Variants in ADRA2C observed in about 807,000 individuals in gnomAD.
ADRA2C encodes adrenoceptor alpha 2C.
ADRA2C carries 4 observed loss-of-function variants against 7.9 expected under a neutral mutation model. The ratio of observed to expected loss-of-function variants is 0.51; its 90% CI spans 0.25 to 1.16. The LOEUF (loss-of-function observed/expected upper bound fraction) is 1.16. Ranked by LOEUF, ADRA2C falls within the 50% of genes most tolerant of loss-of-function variation. ADRA2C has a pLI of 0.15. For missense variants in ADRA2C, 589 were observed against 677.7 expected (o/e 0.87, Z 1.45); for synonymous variants, 368 against 328.9 (o/e 1.12, Z -1.29).
At position 3,767,403 on chromosome 4, in the gene ADRA2C, C is replaced by T. The variant is rs767431519; in HGVS notation, c.797C>T (p.Ala266Val). 52 of 1,533,116 alleles carry T rather than the reference C, an allele frequency of 3.4e-5. No individual in the cohort carries two copies. Among genetic ancestry groups the T allele is most frequent in the Non-Finnish European group, 3.7e-5 (42 of 1,144,790 alleles). The allele number at this position is 1,533,116 out of a possible 1,614,324, so 95.0% of individuals were successfully genotyped here. A position where few individuals can be genotyped will look rare whatever the true frequency, so the allele number is the denominator to read the frequency against. The change falls in exon 1 of 1, where the codon GCG (alanine) becomes GTG (valine). Residue 266 changes from alanine (A) to valine (V), a missense_variant. Coordinates refer to ENST00000330055, the MANE Select transcript of ADRA2C (RefSeq NM_000683.4). ...ASPTTENGLG[A>V]AAGAGENGHC... is the part of the protein sequence containing the mutation. ...CCGACTACCGAAAACGGGCTGGGCG[C>T]GGCGGCAGGCGCAGGCGAGAACGGG...
At position 3,767,996 on chromosome 4, in the gene ADRA2C, C is replaced by T. The variant is rs769630487; in HGVS notation, c.*1C>T. Reference sequence around the variant, plus strand: ...GAGGAGAAGGGGCTTCAGGCAGTGACTCGCACCCGTCTGGGAATCCTGGAC... The same window carrying T: ...GAGGAGAAGGGGCTTCAGGCAGTGATTCGCACCCGTCTGGGAATCCTGGAC... On this transcript the variant is annotated 3_prime_UTR_variant, in exon 1 of 1. Coordinates refer to ENST00000330055, the MANE Select transcript of ADRA2C (RefSeq NM_000683.4). 1 of 1,603,300 alleles carries T rather than the reference C, an allele frequency of 6.2e-7. No homozygotes were observed. The highest frequency in any genetic ancestry group is 8.5e-7 in the Non-Finnish European group (1 of 1,176,186).
rs550024898 is a variant in ADRA2C, at chr4:3,767,212, C to A, written c.606C>A (p.Cys202Ter). The change falls in exon 1 of 1, where the codon TGC (cysteine) becomes TGA (stop). Residue 202 changes from cysteine (C) to a stop codon, truncating the protein, a stop_gained. Transcript: ENST00000330055. LOFTEE classifies it low-confidence loss of function (END_TRUNC). ...CCGACGGCGCCGCCTACCCGCAGTG[C>A]GGCCTCAACGACGAGACCTGGTACA... Reference protein sequence around the residue: ...RQPDGAAYPQCGLNDETWYIL... With the variant: ...RQPDGAAYPQ 1.3e-5 allele frequency: 21 copies of A among 1,609,746 alleles called. No individual in the cohort carries two copies.
At position 3,767,518 on chromosome 4, in the gene ADRA2C, CGGGCGGCGGCG is replaced by C; in HGVS notation, c.913_923del (p.Gly305SerfsTer21). The C allele has an allele frequency of 9.9e-7, 1 of 1,008,102 alleles. No homozygotes were observed. The highest frequency in any genetic ancestry group is 1.2e-6 in the Non-Finnish European group (1 of 846,678). The allele number at this position is 1,008,102 out of a possible 1,614,324, so 62.4% of individuals were successfully genotyped here. On this transcript the variant is annotated frameshift_variant, in exon 1 of 1. Transcript: ENST00000330055. LOFTEE classifies it low-confidence loss of function (END_TRUNC). ...GGCGCCGGGGCGCGTTGCGGCGGGG[CGGGCGGCGGCG>C]AGCGGGCGCGGAGGGGGGCGCGGGC...
At position 3,767,822 on chromosome 4, in the gene ADRA2C, G is replaced by A. The variant is rs750918500; in HGVS notation, c.1216G>A (p.Gly406Ser). ...FPFFFSYSLY[G>S]ICREACQVPG... The stretch of plus-strand genomic sequence containing the variant: ...CTTCTTCTTCAGCTACAGCCTGTAC[G>A]GCATCTGCCGCGAGGCCTGCCAGGT... The change falls in exon 1 of 1, where the codon GGC becomes AGC. Residue 406 changes from glycine to serine, a missense_variant. Coordinates refer to ENST00000330055, the MANE Select transcript of ADRA2C (RefSeq NM_000683.4). 3.7e-6 allele frequency: 6 copies of A among 1,613,096 alleles called. No homozygotes were observed. The highest frequency in any genetic ancestry group is 1.3e-5 in the African/African-American group (1 of 74,942).
rs539627989 is a variant in ADRA2C at position 3,768,113 on chromosome 4, G to T, written c.*118G>T. On this transcript the variant is annotated 3_prime_UTR_variant, in exon 1 of 1. Coordinates refer to ENST00000330055, the MANE Select transcript of ADRA2C (RefSeq NM_000683.4). ...ATGGATTGGCCTCCAGGGCGCAGGG[G>T]AGGGTGCGGCAGGGCAGGAGCTTGG... is the stretch of plus-strand genomic sequence containing the variant. The T allele has an allele frequency of 9.7e-6, 3 of 308,144 alleles. No individual in the cohort carries two copies. The highest frequency in any genetic ancestry group is 5.0e-5 in the African/African-American group (1 of 19,834). The allele number at this position is 308,144 out of a possible 1,614,324, so 19.1% of individuals were successfully genotyped here.
chr4:3,768,062 G>GGGGGGAGCTTTCCCAGAGACCC lies in ADRA2C; in HGVS notation c.*71_*72insGAGCTTTCCCAGAGACCCGGGG, dbSNP rs1553876137. ...GCTGGGCAGAAGGGGCGGCCCGGAC[G>GGGGGGAGCTTTCCCAGAGACCC]GGGGAGCTTTCCCAGAGACCCGGGG... On this transcript the variant is annotated 3_prime_UTR_variant, in exon 1 of 1. Transcript: ENST00000330055. 9 of 1,157,882 alleles carry GGGGGGAGCTTTCCCAGAGACCC rather than the reference G, an allele frequency of 7.8e-6. No individual in the cohort carries two copies. The Admixed American group carries it at 1.7e-4, about 22-fold the overall frequency. The allele number at this position is 1,157,882 out of a possible 1,614,324, so 71.7% of individuals were successfully genotyped here.
chr4:3,768,507 A>C lies in ADRA2C; in HGVS notation c.*512A>C, dbSNP rs528460073. The stretch of plus-strand genomic sequence containing the variant: ...GCCAAAACAACCAAACTATTTTCTA[A>C]ATAAACCTTTGTAATCTAATGTTGG... On this transcript the variant is annotated 3_prime_UTR_variant, in exon 1 of 1. Transcript: ENST00000330055. 3.1e-5 allele frequency: 18 copies of C among 576,054 alleles called. No individual in the cohort carries two copies. In the East Asian group the frequency reaches 5.2e-4, roughly 17 times the overall value. 35.7% of individuals were successfully genotyped at this position (576,054 alleles called of 1,614,324 possible).
Position 3,767,548 on chromosome 4 carries a change from C to T in ADRA2C, c.942C>T (p.Gly314=), listed in dbSNP as rs1419306071. 2.0e-5 allele frequency: 21 copies of T among 1,050,620 alleles called. No homozygotes were observed. The Admixed American group carries it at 1.1e-3, about 56-fold the overall frequency. 65.1% of individuals were successfully genotyped at this position (1,050,620 alleles called of 1,614,324 possible). A position where few individuals can be genotyped will look rare whatever the true frequency, so the allele number is the denominator to read the frequency against. The part of the protein sequence containing the change: ...GGRRRAGAEG[G]AGGADGQGAG... Reference sequence around the variant, plus strand: ...GGCGGCGAGCGGGCGCGGAGGGGGGCGCGGGCGGTGCGGACGGGCAGGGGG... The same window carrying T: ...GGCGGCGAGCGGGCGCGGAGGGGGGTGCGGGCGGTGCGGACGGGCAGGGGG... The change falls in exon 1 of 1, where the codon GGC becomes GGT. Residue 314 remains glycine (G), a synonymous_variant. Coordinates refer to ENST00000330055, the MANE Select transcript of ADRA2C (RefSeq NM_000683.4).
rs1735472855 is a variant in ADRA2C, at chr4:3,767,396, C to G, written c.790C>G (p.Leu264Val). ...TGCGTCCCCGACTACCGAAAACGGG[C>G]TGGGCGCGGCGGCAGGCGCAGGCGA... ...DGASPTTENG[L>V]GAAAGAGENG... Residue 264 changes from leucine to valine, a missense_variant, in exon 1 of 1, where the codon CTG (leucine) becomes GTG (valine). Leu to Val is a conservative substitution (Grantham distance 32). Transcript: ENST00000330055. The G allele has an allele frequency of 2.6e-6, 4 of 1,534,122 alleles. No homozygotes were observed. The African/African-American group carries it at 4.1e-5, about 16-fold the overall frequency.
In ADRA2C at chr4:3,768,280, A is replaced by C. The variant is rs547610817; in HGVS notation, c.*285A>C. The C allele has an allele frequency of 4.0e-5, 29 of 717,168 alleles. No individual in the cohort carries two copies. Among genetic ancestry groups the C allele is most frequent in the Non-Finnish European group, 6.2e-5 (24 of 385,142 alleles). 44.4% of individuals were successfully genotyped at this position (717,168 alleles called of 1,614,324 possible). A position where few individuals can be genotyped will look rare whatever the true frequency, so the allele number is the denominator to read the frequency against. On this transcript the variant is annotated 3_prime_UTR_variant, in exon 1 of 1. Coordinates refer to ENST00000330055, the MANE Select transcript of ADRA2C (RefSeq NM_000683.4). ...CCTGCCGAGGTGTGGCTGTGAGGTC[A>C]GGGTTTTAGAGAGCAGTGGCAGAGG...
Position 3,766,849 on chromosome 4 carries a change from G to C in ADRA2C, c.243G>C (p.Ala81=). ...TGATCGCCGTGCTGACCAGCCGGGC[G>C]CTGCGCGCGCCACAGAACCTCTTCC... The part of the protein sequence containing the change: ...LVVIAVLTSR[A]LRAPQNLFLV... Residue 81 remains alanine, a synonymous_variant, in exon 1 of 1, where the codon GCG becomes GCC. Transcript: ENST00000330055. This position sits in a 1 kb window ranked among gnomAD's most constrained non-coding sequence, Gnocchi z 4.5. 2 of 1,594,090 alleles carry C rather than the reference G, an allele frequency of 1.3e-6. No individual in the cohort carries two copies. The highest frequency in any genetic ancestry group is 8.5e-7 in the Non-Finnish European group (1 of 1,171,428).
rs1487652537 is a variant in ADRA2C at position 3,767,428 on chromosome 4, G to T, written c.822G>T (p.Gly274=). 2 of 1,518,874 alleles carry T rather than the reference G, an allele frequency of 1.3e-6. No individual in the cohort carries two copies. The highest frequency in any genetic ancestry group is 4.1e-5 in the Admixed American group (2 of 48,366). 94.1% of individuals were successfully genotyped at this position (1,518,874 alleles called of 1,614,324 possible). A position where few individuals can be genotyped will look rare whatever the true frequency, so the allele number is the denominator to read the frequency against. The change falls in exon 1 of 1, where the codon GGG becomes GGT. Residue 274 remains glycine (G), a synonymous_variant. Transcript: ENST00000330055. ...CGGCGGCAGGCGCAGGCGAGAACGG[G>T]CACTGCGCGCCCCCGCCCGCCGACG... The part of the protein sequence containing the change: ...LGAAAGAGEN[G]HCAPPPADVE...
Position 3,767,603 on chromosome 4 carries a change from C to G in ADRA2C, c.997C>G (p.Leu333Val). 3.1e-6 allele frequency: 4 copies of G among 1,309,226 alleles called. No homozygotes were observed. Among genetic ancestry groups the G allele is most frequent in the Non-Finnish European group, 2.9e-6 (3 of 1,036,096 alleles). 81.1% of individuals were successfully genotyped at this position (1,309,226 alleles called of 1,614,324 possible). ...AGPGAAESGALTASRSPGPGG... is the reference protein window; with the variant it reads ...AGPGAAESGAVTASRSPGPGG... ...GCCGGGGGCGGCTGAGTCGGGGGCG[C>G]TGACCGCCTCCAGGTCCCCGGGGCC... is the stretch of plus-strand genomic sequence containing the variant. The change falls in exon 1 of 1, where the codon CTG (leucine) becomes GTG (valine). Residue 333 changes from leucine to valine, a missense_variant. Leu to Val is a conservative substitution (Grantham distance 32). Coordinates refer to ENST00000330055, the MANE Select transcript of ADRA2C (RefSeq NM_000683.4).
In ADRA2C at chr4:3,767,671, C is replaced by T. The variant is rs1253838393; in HGVS notation, c.1065C>T (p.Phe355=). The change falls in exon 1 of 1, where the codon TTC becomes TTT. Residue 355 remains phenylalanine (F), a synonymous_variant. Coordinates refer to ENST00000330055, the MANE Select transcript of ADRA2C (RefSeq NM_000683.4). ...LSRASSRSVE[F]FLSRRRRARS... is the part of the protein sequence containing the mutation. ...GCGCCAGCTCGCGCTCCGTCGAGTT[C>T]TTCCTGTCGCGCCGGCGCCGGGCGC... 6.4e-7 allele frequency: 1 copy of T among 1,570,396 alleles called. No individual in the cohort carries two copies. The highest frequency in any genetic ancestry group is 8.6e-7 in the Non-Finnish European group (1 of 1,160,930).
chr4:3,768,088 AT>A lies in ADRA2C; in HGVS notation c.*94del. Reference sequence around the variant, plus strand: ...GGGGAGCTTTCCCAGAGACCCGGGGATGGATTGGCCTCCAGGGCGCAGGGGA... The same window carrying A: ...GGGGAGCTTTCCCAGAGACCCGGGGAGGATTGGCCTCCAGGGCGCAGGGGA... On this transcript the variant is annotated 3_prime_UTR_variant, in exon 1 of 1. Coordinates refer to ENST00000330055, the MANE Select transcript of ADRA2C (RefSeq NM_000683.4). 6 of 1,193,394 alleles carry A rather than the reference AT, an allele frequency of 5.0e-6. No individual in the cohort carries two copies. Among genetic ancestry groups the A allele is most frequent in the Non-Finnish European group, 7.2e-6 (6 of 838,366 alleles). The allele number at this position is 1,193,394 out of a possible 1,614,324, so 73.9% of individuals were successfully genotyped here. A position where few individuals can be genotyped will look rare whatever the true frequency, so the allele number is the denominator to read the frequency against.
rs550024898 is a variant in ADRA2C at position 3,767,212 on chromosome 4, C to T, written c.606C>T (p.Cys202=). Residue 202 remains cysteine, a synonymous_variant, in exon 1 of 1, where the codon TGC becomes TGT. Transcript: ENST00000330055. ...CCGACGGCGCCGCCTACCCGCAGTGCGGCCTCAACGACGAGACCTGGTACA... is the reference window on the plus strand; with the variant it reads ...CCGACGGCGCCGCCTACCCGCAGTGTGGCCTCAACGACGAGACCTGGTACA... ...RQPDGAAYPQ[C]GLNDETWYIL... is the part of the protein sequence containing the mutation. The T allele has an allele frequency of 6.2e-7, 1 of 1,609,744 alleles. No individual in the cohort carries two copies. Among genetic ancestry groups the T allele is most frequent in the African/African-American group, 1.3e-5 (1 of 75,014 alleles).
rs1338767480 is a variant in ADRA2C at position 3,766,736 on chromosome 4, G to T, written c.130G>T (p.Gly44Cys). 3.4e-6 allele frequency: 5 copies of T among 1,490,174 alleles called. No individual in the cohort carries two copies. The highest frequency in any genetic ancestry group is 4.5e-6 in the Non-Finnish European group (5 of 1,118,918). The allele number at this position is 1,490,174 out of a possible 1,614,324, so 92.3% of individuals were successfully genotyped here. A position where few individuals can be genotyped will look rare whatever the true frequency, so the allele number is the denominator to read the frequency against. ...ASGASWGPPR[G>C]QYSAGAVAGL... ...GGGGGCTTCCTGGGGGCCGCCGCGC[G>T]GCCAGTACTCGGCGGGCGCGGTGGC... is the stretch of plus-strand genomic sequence containing the variant. Residue 44 changes from glycine (G) to cysteine (C), a missense_variant, in exon 1 of 1, where the codon GGC becomes TGC. Physicochemically the swap from Gly to Cys is radical, Grantham distance 159. Transcript: ENST00000330055. This position sits in a 1 kb window ranked among gnomAD's most constrained non-coding sequence, Gnocchi z 4.5.
rs1412002676 is a variant in ADRA2C at position 3,768,096 on chromosome 4, G to A, written c.*101G>A. 4 of 118,094 alleles carry A rather than the reference G, an allele frequency of 3.4e-5. No homozygotes were observed. The highest frequency in any genetic ancestry group is 5.2e-5 in the Non-Finnish European group (3 of 57,850). The allele number at this position is 118,094 out of a possible 1,614,324, so 7.3% of individuals were successfully genotyped here. A position where few individuals can be genotyped will look rare whatever the true frequency, so the allele number is the denominator to read the frequency against. On this transcript the variant is annotated 3_prime_UTR_variant, in exon 1 of 1. Coordinates refer to ENST00000330055, the MANE Select transcript of ADRA2C (RefSeq NM_000683.4). ...TTCCCAGAGACCCGGGGATGGATTG[G>A]CCTCCAGGGCGCAGGGGAGGGTGCG...
Position 3,766,909 on chromosome 4 carries a change from C to T in ADRA2C, c.303C>T (p.Ala101=), listed in dbSNP as rs376179013. The change falls in exon 1 of 1, where the codon GCC becomes GCT. Residue 101 remains alanine, a synonymous_variant. Coordinates refer to ENST00000330055, the MANE Select transcript of ADRA2C (RefSeq NM_000683.4). The surrounding 1 kb of genome is among the most constrained non-coding windows in gnomAD (Gnocchi z 4.5). ...VSLASADILV[A]TLVMPFSLAN... is the part of the protein sequence containing the mutation. ...TGGCCTCGGCCGACATCCTGGTGGC[C>T]ACGCTGGTCATGCCCTTCTCGTTGG... The T allele has an allele frequency of 2.3e-4, 378 of 1,610,708 alleles. No homozygotes were observed. Among genetic ancestry groups the T allele is most frequent in the South Asian group, 4.7e-4 (43 of 90,878 alleles).
Sources: gnomAD v4.1 joint callset for allele counts on GRCh38, gnomAD v4.1.1 for gene constraint, Gnocchi (gnomAD v3.1) non-coding constraint, MANE v1.5 for transcripts, NCBI Gene and HGNC (gene_info 2026-07-23, HGNC 2026-07-21) for gene names.